The following DSCAM variants were observed in gnomAD, a reference collection of about 807,000 sequenced individuals.
The protein encoded by DSCAM is cell adhesion molecule DSCAM.
In DSCAM, 47 loss-of-function variants were observed where a neutral mutation model predicts 217.7. The observed-to-expected ratio is 0.22, with a 90% confidence interval of 0.17 to 0.28. The LOEUF is 0.28. Among genes scored for constraint, DSCAM ranks in the 10% least tolerant of loss-of-function variants. DSCAM has a pLI of 1.00. For synonymous variants in DSCAM, 1,056 were observed against 1,015.3 expected (o/e 1.04, Z -0.76); for missense variants, 2,080 against 2,618.3 (o/e 0.79, Z 4.49).
intron 3 of DSCAM, among the ~76,000 whole-genome samples, chr21:40,404,467 C>T (rs1455052843): frequency 6.6e-6 from 1 of 152,154 alleles, no homozygotes; most frequent in Non-Finnish European, 1.5e-5. Flanking sequence ...AAACATTAAG[C>T]ACAAGGCTAA....
At chr21:40,252,828 C>G (rs1378432807) in intron 11 of DSCAM, among the ~76,000 whole-genome samples, 1 of 152,086 alleles carries the variant, frequency 6.6e-6, no homozygotes, top group Non-Finnish European at 1.5e-5. Context: ...CCCACAACTT[C>G]CCAACGTATA....
chr21:40,301,502 G>C (rs2074013532), intron 9 of DSCAM, among the ~76,000 whole-genome samples: 1 of 141,766 alleles, frequency 7.1e-6, no homozygotes, highest in Non-Finnish European at 1.5e-5. Context: ...TTCACCATTT[G>C]CATCTTAGCT....
At chr21:40,509,059 C>G (rs750601696) in intron 3 of DSCAM, among the ~76,000 whole-genome samples, 8 of 151,804 alleles carry the variant, frequency 5.3e-5, no homozygotes, top group African/African-American at 1.9e-4. Context: ...TCCCTAATAC[C>G]TAAAACACAA....
At chr21:40,424,684 A>G (rs1413138349) in intron 3 of DSCAM, among the ~76,000 whole-genome samples, 1 of 152,184 alleles carries the variant, frequency 6.6e-6, no homozygotes, top group Non-Finnish European at 1.5e-5. Context: ...TCCAGAATAT[A>G]ATCAAAGGTT....
At chr21:40,563,400 C>T (rs2076735701) in intron 3 of DSCAM, among the ~76,000 whole-genome samples, 1 of 149,466 alleles carries the variant, frequency 6.7e-6, no homozygotes, top group South Asian at 2.1e-4. Flanking sequence ...ACTCTGAGAA[C>T]TTCAATCCAG....
rs874352 is a variant in DSCAM at position 40,015,067 on chromosome 21, G to C, written c.5687-1681C>G. On this transcript the variant is annotated intron_variant, in intron 32 of 32. Transcript: ENST00000400454. ...TCCTCTAAATACGGAGTGTTCAGTG[G>C]CCTGCTCTCAGGCCTCTCTCGGAAG... is the stretch of plus-strand genomic sequence containing the variant. Among the ~76,000 whole-genome samples, 230 of 152,254 alleles carry C rather than the reference G, an allele frequency of 1.5e-3. 1 individual carries two copies. Among genetic ancestry groups the C allele is most frequent in the Admixed American group, 0.013 (194 of 15,296 alleles).
At chr21:40,792,871 T>C (rs1193156781) in intron 1 of DSCAM, among the ~76,000 whole-genome samples, 1 of 152,188 alleles carries the variant, frequency 6.6e-6, no homozygotes, top group Non-Finnish European at 1.5e-5. Context: ...GGACTGGCAT[T>C]TGTGGCCCAG....
intron 3 of DSCAM, among the ~76,000 whole-genome samples, chr21:40,369,584 T>C (rs2074873826): frequency 6.6e-6 from 1 of 152,206 alleles, no homozygotes; most frequent in Non-Finnish European, 1.5e-5. Flanking sequence ...ATAATTGGTA[T>C]ATACCGAACA....
chr21:40,306,770 C>A (rs1321716950), intron 9 of DSCAM, among the ~76,000 whole-genome samples: 1 of 152,012 alleles, frequency 6.6e-6, no homozygotes, highest in East Asian at 1.9e-4. Flanking sequence ...ATTGAACAAG[C>A]CTTGCATCCC....
intron 3 of DSCAM, among the ~76,000 whole-genome samples, chr21:40,613,168 T>A (rs1405645077): frequency 6.6e-6 from 1 of 152,202 alleles, no homozygotes; most frequent in African/African-American, 2.4e-5. Flanking sequence ...AAAATTAAGT[T>A]AGATAAAGAT....
chr21:40,712,712 A>G (rs1248179793), intron 1 of DSCAM, among the ~76,000 whole-genome samples: 1 of 152,080 alleles, frequency 6.6e-6, no homozygotes, highest in African/African-American at 2.4e-5. Flanking sequence ...AACCTTTTGA[A>G]GTATTTTTGG....
rs1478032498 is a variant in DSCAM at position 40,016,778 on chromosome 21, C to G, written c.5687-3392G>C. Reference sequence around the variant, plus strand: ...TTAAAGCCTGAACCTTAGGAAACACCTTCAAGTTTACCCACAGAAAAAGAA... The same window carrying G: ...TTAAAGCCTGAACCTTAGGAAACACGTTCAAGTTTACCCACAGAAAAAGAA... On this transcript the variant is annotated intron_variant, in intron 32 of 32. Coordinates refer to ENST00000400454, the MANE Select transcript of DSCAM (RefSeq NM_001389.5). The surrounding 1 kb of genome is among the most constrained non-coding windows in gnomAD (Gnocchi z 4.3). Among the ~76,000 whole-genome samples, 1 of 152,174 alleles carries G rather than the reference C, an allele frequency of 6.6e-6. No homozygotes were observed.
At chr21:40,824,936 T>C (rs1486206245) in intron 1 of DSCAM, among the ~76,000 whole-genome samples, 2 of 152,238 alleles carry the variant, frequency 1.3e-5, no homozygotes, top group African/African-American at 4.8e-5. Context: ...AATCAGAAGT[T>C]GTTTTCTGCT....
intron 3 of DSCAM, among the ~76,000 whole-genome samples, chr21:40,459,180 TAAATC>T (rs981300510): frequency 1.3e-5 from 2 of 152,048 alleles, no homozygotes; most frequent in East Asian, 3.9e-4. Flanking sequence ...AGCTATTAAA[TAAATC>T]AAAAGTTTTG....
intron 11 of DSCAM, among the ~76,000 whole-genome samples, chr21:40,264,741 A>C (rs1317299116): frequency 3.3e-5 from 5 of 152,208 alleles, no homozygotes; most frequent in Non-Finnish European, 7.3e-5. Flanking sequence ...GGGCCTCCAA[A>C]TAGGAAAAAA....
chr21:40,734,349 A>G (rs560259680), intron 1 of DSCAM, among the ~76,000 whole-genome samples: 65 of 152,328 alleles, frequency 4.3e-4, no homozygotes, highest in African/African-American at 1.4e-3. Flanking sequence ...CATCTCTCAG[A>G]TAAGTCACTC....
At chr21:40,283,135 G>A (rs1169996044) in intron 10 of DSCAM, among the ~76,000 whole-genome samples, 4 of 152,132 alleles carry the variant, frequency 2.6e-5, no homozygotes, top group Admixed American at 1.3e-4. Context: ...AGTAGACTTC[G>A]CCAGGGTTTG....
rs754750960 is a variant in DSCAM, at chr21:40,187,062, C to T, written c.2779+69G>A. ...GAGCTGTGCGCTTACAGGTAAAACA[C>T]ATTAATAAGGAGAAAAATAAAAGAA... is the stretch of plus-strand genomic sequence containing the variant. On this transcript the variant is annotated intron_variant, in intron 14 of 32. Coordinates refer to ENST00000400454, the MANE Select transcript of DSCAM (RefSeq NM_001389.5). The T allele has an allele frequency of 2.6e-4, 413 of 1,586,036 alleles. 1 individual carries two copies. The highest frequency in any genetic ancestry group is 3.4e-4 in the Non-Finnish European group (392 of 1,163,848).
intron 9 of DSCAM, among the ~76,000 whole-genome samples, chr21:40,308,136 T>A (rs2074100020): frequency 6.6e-6 from 1 of 152,178 alleles, no homozygotes. Flanking sequence ...AAAAGTGTGA[T>A]AAAATCAGGT....
Sources: gnomAD v4.1 joint callset for allele counts (sites outside exome capture counted in the v4.1 genomes callset) on GRCh38, gnomAD v4.1.1 for gene constraint, Gnocchi (gnomAD v3.1) non-coding constraint, MANE v1.5 for transcripts, NCBI Gene and HGNC (gene_info 2026-07-23, HGNC 2026-07-21) for gene names.